The following UBR4 variants were observed in gnomAD, a reference collection of about 807,000 sequenced individuals.
UBR4 encodes ubiquitin protein ligase E3 component n-recognin 4, also known as E3 ubiquitin-protein ligase UBR4.
UBR4 carries 124 observed loss-of-function variants against 575.6 expected under a neutral mutation model. The ratio of observed to expected loss-of-function variants is 0.22; its 90% CI spans 0.19 to 0.25. The LOEUF is 0.25. UBR4 is among the 10% of genes least tolerant of loss of function. The probability of loss-of-function intolerance (pLI) is 1.00; values close to 1 mark genes in which losing one functional copy is unlikely to be tolerated. For synonymous variants in UBR4, 2,455 were observed against 2,473.7 expected (o/e 0.99, Z 0.22); for missense variants, 4,818 against 6,478.8 (o/e 0.74, Z 8.80).
chr1:19,114,741 C>T, intron 75 of UBR4, 70 bp downstream of exon 75: 2 of 1,590,904 alleles, frequency 1.3e-6, no homozygotes, highest in Admixed American at 1.7e-5. Flanking sequence ...AAGTGCACTG[C>T]ACTGCACCAG....
At chr1:19,154,840 G>A (rs1001694296) in intron 44 of UBR4, 78 bp downstream of exon 44, 14 of 1,581,882 alleles carry the variant, frequency 8.9e-6, no homozygotes, top group Non-Finnish European at 1.2e-5. Flanking sequence ...ACTCAGAACA[G>A]ATAGCAGATA....
chr1:19,177,340 C>T, intron 19 of UBR4, 121 bp downstream of exon 19: 3 of 1,268,962 alleles, frequency 2.4e-6, no homozygotes, highest in East Asian at 4.7e-5. Context: ...TCCTACCCAT[C>T]AACCTACCAA....
chr1:19,101,575 T>A lies in UBR4; in HGVS notation c.12968A>T (p.Asp4323Val). Reference sequence around the variant, plus strand: ...GATGAACACCGGGGTCCGGTAGTCATCCAGATTGTAGCGCTTGGCTGTCTC... The same window carrying A: ...GATGAACACCGGGGTCCGGTAGTCAACCAGATTGTAGCGCTTGGCTGTCTC... ...CIETAKRYNLDDYRTPVFIFE... is the reference protein window; with the variant it reads ...CIETAKRYNLVDYRTPVFIFE... The change falls in exon 88 of 106, where the codon GAT (aspartate) becomes GTT (valine). Residue 4323 changes from aspartate (D) to valine (V), a missense_variant. Around this residue, in one of 29 missense-constraint regions of UBR4, gnomAD observed 105 missense variants for 232.8 expected, o/e 0.45. Transcript: ENST00000375254. 1 of 1,613,934 alleles carries A rather than the reference T, an allele frequency of 6.2e-7. No homozygotes were observed. The highest frequency in any genetic ancestry group is 8.5e-7 in the Non-Finnish European group (1 of 1,179,852).
intron 4 of UBR4, 39 bp downstream of exon 4, chr1:19,198,760 G>A (rs1201473012): frequency 6.2e-7 from 1 of 1,613,090 alleles, no homozygotes; most frequent in Non-Finnish European, 8.5e-7. Context: ...GGTGCCATGG[G>A]GGTGGTCATG....
intron 59 of UBR4, 103 bp downstream of exon 59, chr1:19,138,980 A>G: frequency 7.1e-7 from 1 of 1,406,870 alleles, no homozygotes; most frequent in South Asian, 1.6e-5. Context: ...ATGAGTCTCT[A>G]TACCTTTTCT....
chr1:19,174,498 T>C, intron 21 of UBR4, 51 bp from the exon 22 acceptor site: 1 of 1,591,384 alleles, frequency 6.3e-7, no homozygotes, highest in South Asian at 1.1e-5. Context: ...AAGTATTTTT[T>C]CCTACTGCCT....
intron 60 of UBR4, among the ~76,000 whole-genome samples, chr1:19,130,896 T>TCATG (rs2082345426): frequency 6.6e-6 from 1 of 152,042 alleles, no homozygotes; most frequent in African/African-American, 2.4e-5. Flanking sequence ...TTTTCAAACA[T>TCATG]CATTCATTCA....
In UBR4 at chr1:19,165,338, A is replaced by G. The variant is rs1180239748; in HGVS notation, c.4223T>C (p.Val1408Ala). 1.2e-6 allele frequency: 2 copies of G among 1,613,464 alleles called. No homozygotes were observed. The highest frequency in any genetic ancestry group is 8.5e-7 in the Non-Finnish European group (1 of 1,179,818). Residue 1408 changes from valine (V) to alanine (A), a missense_variant, in exon 31 of 106, where the codon GTA becomes GCA. Transcript: ENST00000375254. ...ATTGGCTGTTGCCATCATGATCTGT[A>G]CAAGTTCTCCACTGGGAGGCAAGAT... ...EEFFSDSGEL[V>A]QIMMATANEN...
rs2085547522 is a variant in UBR4, at chr1:19,150,652, T to C, written c.7355A>G (p.Asn2452Ser). The change falls in exon 49 of 106, where the codon AAT becomes AGT. Residue 2452 changes from asparagine (N) to serine (S), a missense_variant. By Grantham distance (46) the Asn-to-Ser change is conservative. Around this residue, in one of 29 missense-constraint regions of UBR4, gnomAD observed 340 missense variants for 375.4 expected, o/e 0.91. Coordinates refer to ENST00000375254, the MANE Select transcript of UBR4 (RefSeq NM_020765.3). ...TCCAGTGCCGTTGCTCTGGTTCAGATTTGAAGGGCAGATGTTGCTGACAGA... is the reference window on the plus strand; with the variant it reads ...TCCAGTGCCGTTGCTCTGGTTCAGACTTGAAGGGCAGATGTTGCTGACAGA... ...SASVSNICPS[N>S]LNQSNGTGDS... 1.2e-6 allele frequency: 2 copies of C among 1,614,020 alleles called. No homozygotes were observed. Among genetic ancestry groups the C allele is most frequent in the Non-Finnish European group, 1.7e-6 (2 of 1,179,984 alleles).
Sources: gnomAD v4.1 joint callset for allele counts (sites outside exome capture counted in the v4.1 genomes callset) on GRCh38, gnomAD v4.1.1 for gene constraint, gnomAD v4.1.1 regional missense constraint, MANE v1.5 for transcripts, NCBI Gene and HGNC (gene_info 2026-07-23, HGNC 2026-07-21) for gene names.